The following ANKRD11 variants were observed in gnomAD, a reference collection of about 807,000 sequenced individuals.
ANKRD11 encodes ankyrin repeat domain 11.
A neutral mutation model predicts 195.7 loss-of-function variants in ANKRD11; 17 were observed. The ratio of observed to expected loss-of-function variants is 0.09; its 90% CI spans 0.06 to 0.13. The LOEUF (loss-of-function observed/expected upper bound fraction) is 0.13. Ranked by LOEUF, ANKRD11 falls within the 10% of genes least tolerant of loss-of-function variation. ANKRD11 has a pLI of 1.00. For missense variants in ANKRD11, 3,735 were observed against 3,566.1 expected (o/e 1.05, Z -1.21); for synonymous variants, 1,953 against 1,528.1 (o/e 1.28, Z -6.49).
At chr16:89,391,634 C>T (rs2041205272) in intron 2 of ANKRD11, among the ~76,000 whole-genome samples, 1 of 152,218 alleles carries the variant, frequency 6.6e-6, no homozygotes, top group African/African-American at 2.4e-5. Context: ...GCTACACAGA[C>T]AGATACACAA....
intron 2 of ANKRD11, among the ~76,000 whole-genome samples, chr16:89,401,210 C>T (rs1370491886): frequency 6.6e-6 from 1 of 151,814 alleles, no homozygotes; most frequent in African/African-American, 2.4e-5. Context: ...TCTCCTGCCT[C>T]AGCCTTCCAA....
chr16:89,401,465 C>A (rs775643301), intron 2 of ANKRD11, among the ~76,000 whole-genome samples: 1 of 152,074 alleles, frequency 6.6e-6, no homozygotes, highest in African/African-American at 2.4e-5. Context: ...GAATGTGAAG[C>A]CTTATATCCA....
intron 2 of ANKRD11, among the ~76,000 whole-genome samples, chr16:89,397,579 C>T (rs1229345039): frequency 6.6e-6 from 1 of 152,248 alleles, no homozygotes; most frequent in Admixed American, 6.5e-5. Flanking sequence ...GGCTGCAGGA[C>T]AAAGGTGTGC....
At chr16:89,383,882 CTG>C (rs1055505553) in intron 2 of ANKRD11, among the ~76,000 whole-genome samples, 3 of 152,232 alleles carry the variant, frequency 2.0e-5, no homozygotes, top group African/African-American at 7.2e-5. Context: ...AGTCATACCT[CTG>C]TCTCACAAAC....
rs1209660121 is a variant in ANKRD11, at chr16:89,280,890, T to G, written c.5652A>C (p.Ser1884=). 3 of 1,603,822 alleles carry G rather than the reference T, an allele frequency of 1.9e-6. No individual in the cohort carries two copies. Among genetic ancestry groups the G allele is most frequent in the Non-Finnish European group, 2.6e-6 (3 of 1,172,816 alleles). Residue 1884 remains serine (S), a synonymous_variant, in exon 9 of 13, where the codon TCA becomes TCC. Coordinates refer to ENST00000301030, the MANE Select transcript of ANKRD11 (RefSeq NM_013275.6). ...TVTPSPEGVF[S]SLQAKPSPSP... ...AAGGGGAAGGTTTTGCTTGTAAACT[T>G]GAGAAGACGCCCTCTGGAGACGGGG...
chr16:89,402,620 T>C (rs2152170435), intron 2 of ANKRD11, among the ~76,000 whole-genome samples: 1 of 146,198 alleles, frequency 6.8e-6, no homozygotes, highest in African/African-American at 2.6e-5. Flanking sequence ...AGTTCAAGCC[T>C]TGAGTGAGCT....
chr16:89,286,686 T>C, intron 7 of ANKRD11: 13 of 1,246,556 alleles, frequency 1.0e-5, no homozygotes, highest in Non-Finnish European at 1.3e-5. Context: ...TTATTTTTTA[T>C]TTTCATTTAC....
chr16:89,343,773 G>C (rs1459034868), intron 2 of ANKRD11: 1 of 152,338 alleles, frequency 6.6e-6, no homozygotes, highest in Non-Finnish European at 1.5e-5. Flanking sequence ...CACCAGTGCA[G>C]CCTGCGTCAG....
intron 4 of ANKRD11, among the ~76,000 whole-genome samples, chr16:89,303,789 G>T (rs1474723043): frequency 1.3e-5 from 2 of 152,240 alleles, no homozygotes; most frequent in Non-Finnish European, 2.9e-5. Flanking sequence ...TTGCTGAGCT[G>T]TGCTGACAAA....
chr16:89,479,135 C>T (rs917784202), intron 1 of ANKRD11, among the ~76,000 whole-genome samples: 4 of 152,066 alleles, frequency 2.6e-5, no homozygotes, highest in African/African-American at 7.2e-5. Flanking sequence ...GTCACGCCAC[C>T]ACCTACCCCA....
At chr16:89,428,058 A>G (rs931715511) in intron 1 of ANKRD11, among the ~76,000 whole-genome samples, 6 of 151,166 alleles carry the variant, frequency 4.0e-5, no homozygotes, top group African/African-American at 1.2e-4. Flanking sequence ...AAATACAAAA[A>G]TTAGCCAGAC....
intron 1 of ANKRD11, among the ~76,000 whole-genome samples, chr16:89,425,149 A>G (rs1021411181): frequency 1.3e-5 from 2 of 152,108 alleles, no homozygotes; most frequent in African/African-American, 2.4e-5. Context: ...TTTATCTAGC[A>G]CCAACTCACT....
intron 2 of ANKRD11, among the ~76,000 whole-genome samples, chr16:89,322,407 T>A (rs1335135649): frequency 6.6e-6 from 1 of 152,174 alleles, no homozygotes; most frequent in Admixed American, 6.5e-5. Context: ...CAACCACTAG[T>A]TTGTGTAATG....
At chr16:89,478,231 C>T (rs2057323459) in intron 1 of ANKRD11, among the ~76,000 whole-genome samples, 1 of 152,142 alleles carries the variant, frequency 6.6e-6, no homozygotes, top group Non-Finnish European at 1.5e-5. Flanking sequence ...AGAAACACTC[C>T]CAGTGCCTTC....
chr16:89,298,080 G>C (rs2035568371), intron 4 of ANKRD11: 1 of 152,282 alleles, frequency 6.6e-6, no homozygotes, highest in South Asian at 2.1e-4. Context: ...CAGGAAGCCT[G>C]TGGAGGCAAA....
At chr16:89,306,626 T>C (rs1398593961) in intron 3 of ANKRD11, among the ~76,000 whole-genome samples, 18 of 63,264 alleles carry the variant, frequency 2.8e-4, no homozygotes, top group Admixed American at 4.8e-4. Context: ...ACGCGCCACC[T>C]ACCTCCCACT....
chr16:89,349,243 A>C (rs1202594991), intron 2 of ANKRD11, among the ~76,000 whole-genome samples: 1 of 151,830 alleles, frequency 6.6e-6, no homozygotes, highest in African/African-American at 2.4e-5. Flanking sequence ...AAAGACCAAA[A>C]ACAGGCCAGG....
At chr16:89,384,266 C>T (rs2040792686) in intron 2 of ANKRD11, among the ~76,000 whole-genome samples, 2 of 152,144 alleles carry the variant, frequency 1.3e-5, no homozygotes, top group African/African-American at 4.8e-5. Context: ...CACGGTGGCT[C>T]ACGCCTGTAA....
rs1255309863 is a variant in ANKRD11, at chr16:89,384,874, GTTTTCTTTTTTT to G, written c.-60+33398_-60+33409del. On this transcript the variant is annotated intron_variant, in intron 2 of 12. Coordinates refer to ENST00000301030, the MANE Select transcript of ANKRD11 (RefSeq NM_013275.6). ...GTGTGGGAGCACACAATGAGAAATA[GTTTTCTTTTTTT>G]TTTTTTTTTTTTTTTTTTTTTGAGA... 5.5e-5 allele frequency among the ~76,000 whole-genome samples: 4 copies of G among 72,752 alleles called. No homozygotes were observed. The East Asian group carries it at 1.3e-3, about 24-fold the overall frequency. 47.7% of individuals were successfully genotyped at this position (72,752 alleles called of 152,430 possible).
Sources: gnomAD v4.1 joint callset for allele counts (sites outside exome capture counted in the v4.1 genomes callset) on GRCh38, gnomAD v4.1.1 for gene constraint, MANE v1.5 for transcripts, NCBI Gene and HGNC (gene_info 2026-07-23, HGNC 2026-07-21) for gene names.